CRPPA: variants seen among roughly 807,000 people sequenced by gnomAD.
The protein encoded by CRPPA is D-ribitol-5-phosphate cytidylyltransferase.
In CRPPA, 43 loss-of-function variants were observed where a neutral mutation model predicts 52.0. The observed-to-expected ratio is 0.83, with a 90% CI of 0.65 to 1.07. The LOEUF (loss-of-function observed/expected upper bound fraction) is 1.07, where lower values mean the gene tolerates loss of function less well. Ranked by LOEUF, CRPPA falls within the 50% of genes least tolerant of loss-of-function variation. CRPPA has a pLI of 0.00. For synonymous variants in CRPPA, 250 were observed against 203.5 expected, an observed-to-expected ratio of 1.23 and a Z score of -1.94; for missense variants, 629 against 551.7, an observed-to-expected ratio of 1.14 and a Z score of -1.40.
intron 1 of CRPPA, among the ~76,000 whole-genome samples, chr7:16,409,393 A>G (rs1788027729): frequency 6.6e-6 from 1 of 152,230 alleles, no homozygotes; most frequent in African/African-American, 2.4e-5. Context: ...AGGAATCACA[A>G]GAGCATAAAT....
rs751762535 is a variant in CRPPA, at chr7:16,223,563, C to T, written c.1120-7366G>A. On this transcript the variant is annotated intron_variant, in intron 8 of 9. Coordinates refer to ENST00000407010, the MANE Select transcript of CRPPA (RefSeq NM_001101426.4). ...CAGAAGACAATCTCCTGCAGATGTT[C>T]TTCCTAATACCATGAAACTTAAGCA... Among the ~76,000 whole-genome samples the T allele has an allele frequency of 2.2e-4, 34 of 152,276 alleles. No homozygotes were observed. The South Asian group carries it at 2.3e-3, about 10-fold the overall frequency.
At chr7:16,333,282 C>A (rs1389243199) in intron 3 of CRPPA, among the ~76,000 whole-genome samples, 1 of 152,148 alleles carries the variant, frequency 6.6e-6, no homozygotes, top group Non-Finnish European at 1.5e-5. Context: ...GAATTGATAT[C>A]TATTGACTAC....
At chr7:16,261,074 T>C (rs1469891425) in intron 6 of CRPPA, among the ~76,000 whole-genome samples, 1 of 152,034 alleles carries the variant, frequency 6.6e-6, no homozygotes, top group East Asian at 1.9e-4. Flanking sequence ...CCAACAATTC[T>C]CTATGAATAA....
intron 9 of CRPPA, among the ~76,000 whole-genome samples, chr7:16,120,514 A>C (rs1490300691): frequency 1.3e-5 from 2 of 152,102 alleles, no homozygotes; most frequent in African/African-American, 4.8e-5. Context: ...AGGCTTTTAG[A>C]ATCAAATTTA....
chr7:16,099,723 A>G (rs1453718704), intron 9 of CRPPA, among the ~76,000 whole-genome samples: 2 of 152,210 alleles, frequency 1.3e-5, no homozygotes, highest in African/African-American at 4.8e-5. Flanking sequence ...ATTGCATCCA[A>G]TATTTCTAGA....
intron 9 of CRPPA, among the ~76,000 whole-genome samples, chr7:16,097,710 C>T (rs1781962765): frequency 6.6e-6 from 1 of 152,124 alleles, no homozygotes; most frequent in Admixed American, 6.5e-5. Flanking sequence ...GATGGGACTC[C>T]TAAGCCTTTG....
intron 3 of CRPPA, among the ~76,000 whole-genome samples, chr7:16,356,651 T>C (rs1488821279): frequency 6.6e-6 from 1 of 152,198 alleles, no homozygotes; most frequent in Non-Finnish European, 1.5e-5. Context: ...CAGGATATTT[T>C]TCAGTTCTGG....
chr7:16,390,530 A>G (rs766033131), intron 2 of CRPPA, among the ~76,000 whole-genome samples: 2 of 152,164 alleles, frequency 1.3e-5, no homozygotes, highest in Non-Finnish European at 2.9e-5. Flanking sequence ...GTTTTCAGAA[A>G]TCATTCTCAA....
chr7:16,286,097 A>AATATATATAT lies in CRPPA; in HGVS notation c.836-7881_836-7872dup, dbSNP rs71007759. Among the ~76,000 whole-genome samples the AATATATATAT allele has an allele frequency of 1.3e-3, 51 of 39,108 alleles. 1 individual carries two copies. Among genetic ancestry groups the AATATATATAT allele is most frequent in the East Asian group, 8.6e-3 (14 of 1,620 alleles). The allele number at this position is 39,108 out of a possible 152,430, so 25.7% of individuals were successfully genotyped here. A position where few individuals can be genotyped will look rare whatever the true frequency, so the allele number is the denominator to read the frequency against. On this transcript the variant is annotated intron_variant, in intron 5 of 9. Transcript: ENST00000407010. ...TATATATATAATATTTAAAAAAAAA[A>AATATATATAT]ATATATATATATATATATATGCCAA...
At chr7:16,110,685 A>G (rs1035617039) in intron 9 of CRPPA, among the ~76,000 whole-genome samples, 1 of 152,160 alleles carries the variant, frequency 6.6e-6, no homozygotes, top group Non-Finnish European at 1.5e-5. Context: ...CCAAGAACAC[A>G]TAATGTGAAA....
Position 16,406,198 on chromosome 7 carries a change from C to A in CRPPA, c.397G>T (p.Gly133Ter). The A allele has an allele frequency of 6.2e-7, 1 of 1,613,962 alleles. No individual in the cohort carries two copies. The highest frequency in any genetic ancestry group is 1.1e-5 in the South Asian group (1 of 91,076). ...GVTRHRSIFN[G>*]LKALAEDQIN... ...TGATCTTCTGCCAGTGCTTTTAGTC[C>A]ATTGAAAATTGACCTGTGGCGGGTC... is the stretch of plus-strand genomic sequence containing the variant. The change falls in exon 2 of 10, where the codon GGA becomes TGA. Residue 133 changes from glycine (G) to a stop codon, truncating the protein, a stop_gained. Coordinates refer to ENST00000407010, the MANE Select transcript of CRPPA (RefSeq NM_001101426.4). LOFTEE classifies it high-confidence loss of function.
At chr7:16,253,177 G>A (rs1461753015) in intron 8 of CRPPA, among the ~76,000 whole-genome samples, 5 of 152,114 alleles carry the variant, frequency 3.3e-5, no homozygotes, top group African/African-American at 7.2e-5. Flanking sequence ...AGCTTCTCTA[G>A]TTCTTTTAAT....
At chr7:16,269,699 G>C (rs898058599) in intron 6 of CRPPA, 1 of 152,124 alleles carries the variant, frequency 6.6e-6, no homozygotes, top group Non-Finnish European at 1.5e-5. Context: ...ATTTGATTCA[G>C]TGTTCCCAGA....
chr7:16,357,392 T>A lies in CRPPA; in HGVS notation c.684+18700A>T, dbSNP rs144872263. ...CAGGATTTTACCATGTTGGCCAATC[T>A]GGTCTCAAACTCCTGACCCTCAAGT... On this transcript the variant is annotated intron_variant, in intron 3 of 9. Transcript: ENST00000407010. 6.4e-3 allele frequency among the ~76,000 whole-genome samples: 968 copies of A among 152,214 alleles called. 8 individuals carry two copies. Among genetic ancestry groups the A allele is most frequent in the Non-Finnish European group, 9.5e-3 (645 of 68,016 alleles).
chr7:16,325,637 GA>G (rs1433733408), intron 3 of CRPPA, among the ~76,000 whole-genome samples: 1 of 152,020 alleles, frequency 6.6e-6, no homozygotes, highest in African/African-American at 2.4e-5. Flanking sequence ...CCTTTTCCAA[GA>G]CAAAACAAGG....
At position 16,156,323 on chromosome 7, in the gene CRPPA, A is replaced by C. The variant is rs779461023; in HGVS notation, c.1251+59743T>G. 4.6e-5 allele frequency among the ~76,000 whole-genome samples: 7 copies of C among 152,234 alleles called. No individual in the cohort carries two copies. The East Asian group carries it at 1.4e-3, about 29-fold the overall frequency. On this transcript the variant is annotated intron_variant, in intron 9 of 9. Coordinates refer to ENST00000407010, the MANE Select transcript of CRPPA (RefSeq NM_001101426.4). ...TTGGCCACACTTCTACTTTGCAGTC[A>C]ATTTTTGTGTCTGGTACAGACATTG...
chr7:16,332,068 C>T (rs1286143610), intron 3 of CRPPA, among the ~76,000 whole-genome samples: 1 of 152,106 alleles, frequency 6.6e-6, no homozygotes, highest in Non-Finnish European at 1.5e-5. Flanking sequence ...AGAAAGAAGC[C>T]AGGGGAATCA....
intron 9 of CRPPA, among the ~76,000 whole-genome samples, chr7:16,093,176 T>C (rs2128361484): frequency 6.6e-6 from 1 of 152,284 alleles, no homozygotes; most frequent in East Asian, 1.9e-4. Flanking sequence ...GAATTTTTCA[T>C]TTTATCTATG....
At chr7:16,302,078 C>T (rs567259527) in intron 4 of CRPPA, among the ~76,000 whole-genome samples, 2 of 152,172 alleles carry the variant, frequency 1.3e-5, no homozygotes, top group East Asian at 1.9e-4. Flanking sequence ...AGGCGGATCA[C>T]GAGGTCAGGA....
Sources: gnomAD v4.1 joint callset for allele counts (sites outside exome capture counted in the v4.1 genomes callset) on GRCh38, gnomAD v4.1.1 for gene constraint, MANE v1.5 for transcripts, NCBI Gene and HGNC (gene_info 2026-07-23, HGNC 2026-07-21) for gene names.